CDC45: variants seen among roughly 807,000 people sequenced by gnomAD.
The protein encoded by CDC45 is cell division control protein 45 homolog.
CDC45 carries 54 observed loss-of-function variants against 77.8 expected under a neutral mutation model. The observed-to-expected ratio is 0.69, with a 90% CI of 0.56 to 0.87. The LOEUF is 0.87. CDC45 is among the 40% of genes least tolerant of loss of function. The pLI is 0.00. For missense variants in CDC45, 649 were observed against 721.6 expected (o/e 0.90, Z 1.15); for synonymous variants, 260 against 272.1 (o/e 0.96, Z 0.44).
chr22:19,480,846 A>C, intron 2 of CDC45, 107 bp from the exon 3 acceptor site: 2 of 669,392 alleles, frequency 3.0e-6, no homozygotes, highest in Non-Finnish European at 5.3e-6. Flanking sequence ...CTTTAATGTT[A>C]TCCCGTGTCT....
At chr22:19,483,739 C>T in intron 4 of CDC45, 123 bp from the exon 5 acceptor site, 2 of 913,666 alleles carry the variant, frequency 2.2e-6, no homozygotes, top group South Asian at 3.2e-5. Flanking sequence ...AAATAGGTAG[C>T]TATTTGTATG....
At chr22:19,506,949 A>T (rs914710707) in intron 10 of CDC45, among the ~76,000 whole-genome samples, 1 of 151,146 alleles carries the variant, frequency 6.6e-6, no homozygotes, top group African/African-American at 2.4e-5. Context: ...AAAAAAACGA[A>T]AAAAGGGCTG....
intron 3 of CDC45, among the ~76,000 whole-genome samples, 155 bp from the exon 4 acceptor site, chr22:19,482,535 T>C (rs1189676581): frequency 6.6e-6 from 1 of 152,248 alleles, no homozygotes; most frequent in Admixed American, 6.5e-5. Flanking sequence ...GCACTTAGCA[T>C]GCCAGCCTGG....
At chr22:19,497,697 C>G (rs956174460) in intron 8 of CDC45, among the ~76,000 whole-genome samples, 13 of 152,304 alleles carry the variant, frequency 8.5e-5, no homozygotes, top group African/African-American at 2.9e-4. Flanking sequence ...GCTTCACCTT[C>G]CCCACTCCTG....
chr22:19,516,728 T>A, intron 16 of CDC45, 83 bp downstream of exon 16: 1 of 1,020,370 alleles, frequency 9.8e-7, no homozygotes, highest in Non-Finnish European at 1.4e-6. Flanking sequence ...AGTAGAGTGG[T>A]ATTTGCCTCT....
intron 8 of CDC45, among the ~76,000 whole-genome samples, chr22:19,498,294 A>G (rs1220405309): frequency 6.6e-6 from 1 of 152,180 alleles, no homozygotes; most frequent in Non-Finnish European, 1.5e-5. Context: ...GTGCCATCGT[A>G]CTCCAGCCTG....
At chr22:19,497,910 G>C (rs1284323772) in intron 8 of CDC45, among the ~76,000 whole-genome samples, 1 of 151,932 alleles carries the variant, frequency 6.6e-6, no homozygotes, top group Non-Finnish European at 1.5e-5. Context: ...AAAAAAAATT[G>C]TCTGGGCATG....
At chr22:19,504,237 G>T (rs964031121) in intron 9 of CDC45, among the ~76,000 whole-genome samples, 1 of 152,280 alleles carries the variant, frequency 6.6e-6, no homozygotes, top group Non-Finnish European at 1.5e-5. Flanking sequence ...CGAGTGAGAA[G>T]ATGGGAGGAG....
intron 13 of CDC45, among the ~76,000 whole-genome samples, chr22:19,509,127 C>CT (rs1181940715): frequency 1.3e-5 from 2 of 151,748 alleles, no homozygotes; most frequent in South Asian, 2.1e-4. Flanking sequence ...CAATTTGGAT[C>CT]TTTTTTTTAG....
chr22:19,511,229 T>C (rs2146426672), intron 13 of CDC45, among the ~76,000 whole-genome samples: 2 of 152,354 alleles, frequency 1.3e-5, no homozygotes, highest in Admixed American at 1.3e-4. Flanking sequence ...ATGGTTTTGA[T>C]TTGCATTTTA....
Position 19,496,031 on chromosome 22 carries a change from T to C in CDC45, c.591+2T>C. The C allele has an allele frequency of 6.3e-7, 1 of 1,591,804 alleles. No homozygotes were observed. The highest frequency in any genetic ancestry group is 8.6e-7 in the Non-Finnish European group (1 of 1,159,876). On this transcript the variant is annotated splice_donor_variant, in intron 7 of 18. Coordinates refer to ENST00000263201, the MANE Select transcript of CDC45 (RefSeq NM_003504.5). LOFTEE classifies it high-confidence loss of function. ...CAGTATGAATATCATGGGACATCGG[T>C]AAGTATGAATAGGTGGAACTCACTA...
intron 9 of CDC45, among the ~76,000 whole-genome samples, chr22:19,502,685 A>G (rs1468195675): frequency 1.3e-5 from 2 of 152,244 alleles, no homozygotes; most frequent in Non-Finnish European, 2.9e-5. Flanking sequence ...TGTGAACTAA[A>G]ATTTTGAATA....
At chr22:19,495,912 T>C (rs776370941) in intron 6 of CDC45, 69 bp from the exon 7 acceptor site, 42 of 1,047,340 alleles carry the variant, frequency 4.0e-5, no homozygotes, top group Non-Finnish European at 5.4e-5. Flanking sequence ...AAGTTTAGCA[T>C]TTTTCCAAAA....
chr22:19,515,845 T>C (rs1199928997), intron 15 of CDC45, among the ~76,000 whole-genome samples: 3 of 152,170 alleles, frequency 2.0e-5, no homozygotes, highest in Non-Finnish European at 4.4e-5. Context: ...ACATACCCAC[T>C]TTACAGGATC....
chr22:19,516,625 C>T lies in CDC45; in HGVS notation c.1539C>T (p.Thr513=), dbSNP rs762217494. ...TVTVVGIPPE[T]DSSDRKNFFG... ...CCGTGGTGGGCATCCCCCCAGAGAC[C>T]GACAGCTCGGACAGGAAGAAGTGAG... The change falls in exon 16 of 19, where the codon ACC becomes ACT. Residue 513 remains threonine (T), a synonymous_variant. Coordinates refer to ENST00000263201, the MANE Select transcript of CDC45 (RefSeq NM_003504.5). The T allele has an allele frequency of 7.4e-6, 12 of 1,613,752 alleles. No individual in the cohort carries two copies. The highest frequency in any genetic ancestry group is 1.6e-4 in the Middle Eastern group (1 of 6,062).
At chr22:19,491,515 A>G (rs553829392) in intron 5 of CDC45, among the ~76,000 whole-genome samples, 1 of 152,132 alleles carries the variant, frequency 6.6e-6, no homozygotes, top group Non-Finnish European at 1.5e-5. Flanking sequence ...AGCATTTGGA[A>G]AATACTGTGC....
chr22:19,506,220 G>T (rs943320342), intron 10 of CDC45, among the ~76,000 whole-genome samples: 1 of 152,208 alleles, frequency 6.6e-6, no homozygotes, highest in Non-Finnish European at 1.5e-5. Context: ...GAAGGAGGAA[G>T]AGTGAGGGTG....
chr22:19,487,842 G>A (rs942453487), intron 5 of CDC45, among the ~76,000 whole-genome samples: 1 of 140,292 alleles, frequency 7.1e-6, no homozygotes, highest in Non-Finnish European at 1.5e-5. Flanking sequence ...AATCCAGGAA[G>A]CAGAGCCTGC....
chr22:19,505,315 A>G, intron 9 of CDC45, 47 bp from the exon 10 acceptor site: 1 of 1,613,270 alleles, frequency 6.2e-7, no homozygotes, highest in Non-Finnish European at 8.5e-7. Flanking sequence ...GCTGCCTGGT[A>G]AGAGCTGGAG....
Sources: gnomAD v4.1 joint callset for allele counts (sites outside exome capture counted in the v4.1 genomes callset) on GRCh38, gnomAD v4.1.1 for gene constraint, MANE v1.5 for transcripts, NCBI Gene and HGNC (gene_info 2026-07-23, HGNC 2026-07-21) for gene names.